Variants in PTPRO observed in about 807,000 individuals in gnomAD.
PTPRO encodes receptor-type tyrosine-protein phosphatase O.
A neutral mutation model predicts 145.2 loss-of-function variants in PTPRO; 62 were observed. The observed-to-expected ratio is 0.43, with a 90% CI of 0.35 to 0.53. The LOEUF is 0.53. Ranked by LOEUF, PTPRO falls within the 20% of genes least tolerant of loss-of-function variation. The pLI is 0.01. For missense variants in PTPRO, 1,345 were observed against 1,482.7 expected, an observed-to-expected ratio of 0.91 and a Z score of 1.53; for synonymous variants, 565 against 514.7, an observed-to-expected ratio of 1.10 and a Z score of -1.32.
At chr12:15,526,954 G>C (rs1591688202) in intron 12 of PTPRO, among the ~76,000 whole-genome samples, 1 of 151,974 alleles carries the variant, frequency 6.6e-6, no homozygotes, top group African/African-American at 2.4e-5. Flanking sequence ...GTAGATACTA[G>C]AATAAAAACT....
chr12:15,517,116 AC>A, intron 9 of PTPRO, 160 bp downstream of exon 9: 1 of 753,312 alleles, frequency 1.3e-6, no homozygotes, highest in South Asian at 1.6e-5. Context: ...AATAGCCAAG[AC>A]TGAGCAATTT....
intron 14 of PTPRO, 83 bp from the exon 15 acceptor site, chr12:15,551,468 A>C: frequency 6.5e-7 from 1 of 1,542,030 alleles, no homozygotes; most frequent in Non-Finnish European, 8.9e-7. Context: ...ACTGCCCTTA[A>C]GACTAGATGA....
In PTPRO at chr12:15,561,499, A is replaced by C. The variant is rs1005901996; in HGVS notation, c.2711+1223A>C. Among the ~76,000 whole-genome samples, 10 of 152,152 alleles carry C rather than the reference A, an allele frequency of 6.6e-5. 1 individual carries two copies. Among genetic ancestry groups the C allele is most frequent in the Non-Finnish European group, 1.2e-4 (8 of 67,990 alleles). ...GGAAAGCTTTTGAAACAAAGTAGAC[A>C]TGATGTGTAGGTAATAAAGTCAGAG... is the stretch of plus-strand genomic sequence containing the variant. On this transcript the variant is annotated intron_variant, in intron 17 of 26. Coordinates refer to ENST00000281171, the MANE Select transcript of PTPRO (RefSeq NM_030667.3).
chr12:15,581,471 C>G (rs1397914314), intron 22 of PTPRO, among the ~76,000 whole-genome samples: 1 of 151,952 alleles, frequency 6.6e-6, no homozygotes, highest in Middle Eastern at 3.4e-3. Context: ...GACCCCTCAA[C>G]TCTGTTTTAG....
In PTPRO at chr12:15,549,084, GA is replaced by G; in HGVS notation, c.2305-7del. The G allele has an allele frequency of 1.9e-6, 3 of 1,612,622 alleles. No homozygotes were observed. Among genetic ancestry groups the G allele is most frequent in the Non-Finnish European group, 2.5e-6 (3 of 1,179,162 alleles). ...TAACCTAAAATTTACCTTATTTTCT[GA>G]AACCCCAGGAACCAGTTGCTGTTTC... On this transcript the variant is annotated splice_polypyrimidine_tract_variant and intron_variant, in intron 13 of 26. Coordinates refer to ENST00000281171, the MANE Select transcript of PTPRO (RefSeq NM_030667.3).
intron 1 of PTPRO, among the ~76,000 whole-genome samples, chr12:15,423,786 G>T (rs991069109): frequency 6.6e-5 from 10 of 152,086 alleles, no homozygotes; most frequent in Admixed American, 6.6e-4. Flanking sequence ...CCTAGCCATC[G>T]CTTTTGCCTG....
At chr12:15,419,757 T>C (rs1273721538) in intron 1 of PTPRO, among the ~76,000 whole-genome samples, 2 of 149,122 alleles carry the variant, frequency 1.3e-5, no homozygotes, top group African/African-American at 2.5e-5. Context: ...CCAGAGAAAA[T>C]AGAGGTAATC....
chr12:15,424,751 C>T (rs1565621589), intron 1 of PTPRO, among the ~76,000 whole-genome samples: 1 of 151,842 alleles, frequency 6.6e-6, no homozygotes, highest in Non-Finnish European at 1.5e-5. Flanking sequence ...GGGGAGCAGG[C>T]CATCTCAAGC....
intron 1 of PTPRO, among the ~76,000 whole-genome samples, chr12:15,374,160 T>A (rs1010830914): frequency 1.3e-5 from 2 of 151,964 alleles, no homozygotes; most frequent in African/African-American, 4.8e-5. Context: ...AAGGCAAGAG[T>A]AATATCCATA....
chr12:15,515,551 G>T lies in PTPRO; in HGVS notation c.1518G>T (p.Gln506His). 6.2e-7 allele frequency: 1 copy of T among 1,614,026 alleles called. No individual in the cohort carries two copies. Among genetic ancestry groups the T allele is most frequent in the South Asian group, 1.1e-5 (1 of 91,076 alleles). The change falls in exon 8 of 27, where the codon CAG becomes CAT. Residue 506 changes from glutamine to histidine, a missense_variant. This residue lies in a region of PTPRO where 1,130 missense variants were observed against 1,214.7 expected (regional missense o/e 0.93). Coordinates refer to ENST00000281171, the MANE Select transcript of PTPRO (RefSeq NM_030667.3). ...ATCTGGTTCCTGGTGCCCAGTACCA[G>T]GTTGTAATATACCTAAGGAAAGGCC... ...IENLVPGAQY[Q>H]VVIYLRKGPL...
chr12:15,511,978 C>T (rs78014987), intron 7 of PTPRO, among the ~76,000 whole-genome samples: 15,252 of 152,196 alleles, frequency 0.1, 1,383 homozygotes, highest in African/African-American at 0.24. Context: ...ACAATCTATA[C>T]TCCTTATGCC....
chr12:15,322,675 C>A lies in PTPRO; in HGVS notation c.-52C>A. On this transcript the variant is annotated 5_prime_UTR_variant, in exon 1 of 27. Coordinates refer to ENST00000281171, the MANE Select transcript of PTPRO (RefSeq NM_030667.3). This position sits in a 1 kb window ranked among gnomAD's most constrained non-coding sequence, Gnocchi z 6.3. ...CCCAGTTCGCCATTGTGAGCCGCCG[C>A]CGGGGGAGTCCGCTAGCGCAGCCGT... The A allele has an allele frequency of 1.3e-6, 2 of 1,512,706 alleles. No homozygotes were observed. Among genetic ancestry groups the A allele is most frequent in the Non-Finnish European group, 9.1e-7 (1 of 1,104,912 alleles). The allele number at this position is 1,512,706 out of a possible 1,614,324, so 93.7% of individuals were successfully genotyped here.
At chr12:15,487,016 A>C (rs1245160642) in intron 2 of PTPRO, among the ~76,000 whole-genome samples, 1 of 152,102 alleles carries the variant, frequency 6.6e-6, no homozygotes, top group East Asian at 1.9e-4. Flanking sequence ...CAGGAGTGGT[A>C]GTGGGTATTT....
At chr12:15,489,472 C>T (rs192874279) in intron 2 of PTPRO, among the ~76,000 whole-genome samples, 30 of 152,280 alleles carry the variant, frequency 2.0e-4, no homozygotes, top group African/African-American at 6.7e-4. Flanking sequence ...GGACAGTTCC[C>T]GGAACTGAGG....
At chr12:15,591,747 C>CA (rs1198921512) in intron 25 of PTPRO, among the ~76,000 whole-genome samples, 1 of 151,998 alleles carries the variant, frequency 6.6e-6, no homozygotes, top group Non-Finnish European at 1.5e-5. Context: ...CCTGTAGTCC[C>CA]AGCTACTCGG....
intron 1 of PTPRO, among the ~76,000 whole-genome samples, chr12:15,421,458 C>A (rs1014272233): frequency 5.9e-5 from 9 of 152,106 alleles, no homozygotes; most frequent in Non-Finnish European, 1.2e-4. Context: ...AGACATTAAA[C>A]AAATGTTGAC....
rs188870166 is a variant in PTPRO, at chr12:15,405,710, T to G, written c.76-78264T>G. Among the ~76,000 whole-genome samples, 7 of 152,324 alleles carry G rather than the reference T, an allele frequency of 4.6e-5. No homozygotes were observed. The East Asian group carries it at 1.3e-3, about 29-fold the overall frequency. On this transcript the variant is annotated intron_variant, in intron 1 of 26. Transcript: ENST00000281171. Reference sequence around the variant, plus strand: ...TGGCCGTTAAGAGAATGAAGGACTTTAAAATGACTGTTTATCATTTTTAAT... The same window carrying G: ...TGGCCGTTAAGAGAATGAAGGACTTGAAAATGACTGTTTATCATTTTTAAT...
intron 12 of PTPRO, among the ~76,000 whole-genome samples, chr12:15,539,989 T>G (rs1366694304): frequency 9.2e-5 from 14 of 151,922 alleles, no homozygotes; most frequent in Admixed American, 9.2e-4. Flanking sequence ...AGGAAAAGAA[T>G]TTCCCTAAGT....
At chr12:15,583,920 C>A (rs1944376622) in intron 23 of PTPRO, among the ~76,000 whole-genome samples, 1 of 152,176 alleles carries the variant, frequency 6.6e-6, no homozygotes, top group Admixed American at 6.5e-5. Context: ...CCGTATGACT[C>A]TAACAGGCTG....
Sources: gnomAD v4.1 joint callset for allele counts (sites outside exome capture counted in the v4.1 genomes callset) on GRCh38, gnomAD v4.1.1 for gene constraint, gnomAD v4.1.1 regional missense constraint, Gnocchi (gnomAD v3.1) non-coding constraint, MANE v1.5 for transcripts, NCBI Gene and HGNC (gene_info 2026-07-23, HGNC 2026-07-21) for gene names.